The following CSNK2A1 variants were observed in gnomAD, a reference collection of about 807,000 sequenced individuals.
CSNK2A1 encodes the protein casein kinase II subunit alpha.
CSNK2A1 carries 10 observed loss-of-function variants against 62.9 expected under a neutral mutation model. The observed-to-expected ratio is 0.16, with a 90% confidence interval of 0.10 to 0.27. CSNK2A1 has a LOEUF of 0.27. Ranked by LOEUF, CSNK2A1 falls within the 10% of genes least tolerant of loss-of-function variation. The pLI, the probability that CSNK2A1 is intolerant of heterozygous loss-of-function variation, is 1.00. For missense variants in CSNK2A1, 160 were observed against 492.0 expected (o/e 0.33, Z 6.38); for synonymous variants, 124 against 167.8 (o/e 0.74, Z 2.02).
chr20:524,352 G>C (rs145813503), intron 2 of CSNK2A1, among the ~76,000 whole-genome samples: 1 of 148,872 alleles, frequency 6.7e-6, no homozygotes, highest in African/African-American at 2.5e-5. Context: ...TGAAACTCTC[G>C]AGAGGCGAAG....
At chr20:522,809 G>A (rs990416424) in intron 2 of CSNK2A1, among the ~76,000 whole-genome samples, 3 of 152,028 alleles carry the variant, frequency 2.0e-5, no homozygotes, top group African/African-American at 7.2e-5. Context: ...GGGCTCAAGC[G>A]ATCCTCCTGC....
At chr20:543,638 C>G (rs554256962) in intron 1 of CSNK2A1, 34 bp downstream of exon 1, 2 of 397,782 alleles carry the variant, frequency 5.0e-6, no homozygotes, top group Admixed American at 4.4e-5. Flanking sequence ...CCACCCCACC[C>G]GCCAACGACC....
At chr20:484,694 T>TGTGTG (rs573370751) in intron 13 of CSNK2A1, among the ~76,000 whole-genome samples, 26 of 147,712 alleles carry the variant, frequency 1.8e-4, no homozygotes, top group African/African-American at 6.3e-4. Flanking sequence ...AATCATGTTT[T>TGTGTG]TGTGTGTGTG....
chr20:487,812 A>G (rs960683285), intron 11 of CSNK2A1: 57 of 573,764 alleles, frequency 9.9e-5, no homozygotes, highest in Non-Finnish European at 1.5e-4. Context: ...TTTAAGAAAC[A>G]TAATTCAGGT....
At position 538,987 on chromosome 20, in the gene CSNK2A1, A is replaced by T. The variant is rs1351785477; in HGVS notation, c.-227+4685T>A. On this transcript the variant is annotated intron_variant, in intron 1 of 13. Transcript: ENST00000217244. ...CATCTAAGGACAATAATAATATTCA[A>T]ACATCAAGAAACAGGCACAGGTTCC... Among the ~76,000 whole-genome samples, 3 of 152,216 alleles carry T rather than the reference A, an allele frequency of 2.0e-5. No homozygotes were observed. The South Asian group carries it at 6.2e-4, about 32-fold the overall frequency.
intron 2 of CSNK2A1, chr20:527,020 A>AGAGAGAGAGAGAGC (rs2019110866): frequency 6.6e-6 from 1 of 150,496 alleles, no homozygotes; most frequent in South Asian, 2.2e-4. Context: ...AGAGAGAGAG[A>AGAGAGAGAGAGAGC]GAGAGAGAGA....
chr20:541,862 G>A (rs760169099), intron 1 of CSNK2A1, among the ~76,000 whole-genome samples: 1 of 151,994 alleles, frequency 6.6e-6, no homozygotes, highest in East Asian at 1.9e-4. Context: ...ACACCCTCCC[G>A]CAATAGCAAA....
intron 2 of CSNK2A1, among the ~76,000 whole-genome samples, chr20:512,376 C>A (rs542984907): frequency 6.6e-6 from 1 of 152,172 alleles, no homozygotes; most frequent in East Asian, 1.9e-4. Flanking sequence ...AGCTGTTGTC[C>A]ATTTTTTGAT....
chr20:536,034 A>G (rs1327372113), intron 1 of CSNK2A1, among the ~76,000 whole-genome samples: 1 of 152,150 alleles, frequency 6.6e-6, no homozygotes, highest in African/African-American at 2.4e-5. Context: ...TGAGTCTGAG[A>G]TGGGAATATT....
At chr20:486,899 T>G in intron 12 of CSNK2A1, 1 of 184,032 alleles carries the variant, frequency 5.4e-6, no homozygotes, top group Non-Finnish European at 1.2e-5. Context: ...CCTATCTATC[T>G]GCTTCAGGTA....
rs536701828 is a variant in CSNK2A1 at position 496,116 on chromosome 20, C to T, written c.427-314G>A. On this transcript the variant is annotated intron_variant, in intron 7 of 13. Transcript: ENST00000217244. ...TTGTCCAGATCCTAGATTATTTCCACAGACCCCTCAAAGAAAGAAAACAGA... is the reference window on the plus strand; with the variant it reads ...TTGTCCAGATCCTAGATTATTTCCATAGACCCCTCAAAGAAAGAAAACAGA... 1.1e-5 allele frequency: 3 copies of T among 262,022 alleles called. No individual in the cohort carries two copies. In the Admixed American group the frequency reaches 1.4e-4, roughly 12 times the overall value. The allele number at this position is 262,022 out of a possible 1,614,324, so 16.2% of individuals were successfully genotyped here. A position where few individuals can be genotyped will look rare whatever the true frequency, so the allele number is the denominator to read the frequency against.
chr20:491,484 T>C (rs756646735), intron 9 of CSNK2A1, among the ~76,000 whole-genome samples: 4 of 151,820 alleles, frequency 2.6e-5, no homozygotes, highest in Admixed American at 1.3e-4. Context: ...CTGGGCAACA[T>C]AGTGAGACTT....
chr20:524,128 A>G (rs2019013918), intron 2 of CSNK2A1, among the ~76,000 whole-genome samples: 1 of 151,820 alleles, frequency 6.6e-6, no homozygotes, highest in South Asian at 2.1e-4. Context: ...TGCTGTCTAA[A>G]AGAGATACAT....
intron 4 of CSNK2A1, 160 bp from the exon 5 acceptor site, chr20:500,094 T>A (rs2018429500): frequency 3.3e-6 from 2 of 598,366 alleles, no homozygotes; most frequent in African/African-American, 1.9e-5. Context: ...CTCCTAGCAC[T>A]GTGCCAGGTA....
At chr20:527,171 A>C (rs1457163758) in intron 2 of CSNK2A1, among the ~76,000 whole-genome samples, 1 of 152,240 alleles carries the variant, frequency 6.6e-6, no homozygotes, top group Non-Finnish European at 1.5e-5. Flanking sequence ...TGGTAAAAAG[A>C]TAAGACAATA....
chr20:522,656 G>A (rs2018974874), intron 2 of CSNK2A1, among the ~76,000 whole-genome samples: 1 of 152,104 alleles, frequency 6.6e-6, no homozygotes, highest in Admixed American at 6.5e-5. Flanking sequence ...CTGTAGTTTA[G>A]TTAATAGTAT....
intron 2 of CSNK2A1, among the ~76,000 whole-genome samples, chr20:527,353 C>T (rs953180992): frequency 6.6e-6 from 1 of 152,208 alleles, no homozygotes; most frequent in African/African-American, 2.4e-5. Context: ...TTGTTTCAAC[C>T]TGTTCTATTC....
At chr20:507,555 A>C (rs1210969797) in intron 3 of CSNK2A1, 3 of 152,252 alleles carry the variant, frequency 2.0e-5, no homozygotes, top group African/African-American at 7.2e-5. Flanking sequence ...GGGCAAACAC[A>C]GCTGTTCAGG....
At chr20:485,509 T>G (rs556301843) in intron 13 of CSNK2A1, among the ~76,000 whole-genome samples, 1 of 152,234 alleles carries the variant, frequency 6.6e-6, no homozygotes, top group South Asian at 2.1e-4. Flanking sequence ...AAATTTCACA[T>G]TATTATATTG....
Sources: allele counts gnomAD v4.1 joint callset (sites outside exome capture counted in the v4.1 genomes callset), GRCh38; gene constraint gnomAD v4.1.1; transcripts MANE v1.5; gene names NCBI Gene and HGNC (gene_info 2026-07-23, HGNC 2026-07-21).